CDYL: variants seen among roughly 807,000 people sequenced by gnomAD.
CDYL encodes chromodomain Y like, also known as chromodomain Y-like protein.
A neutral mutation model predicts 47.3 loss-of-function variants in CDYL; 8 were observed. That is an observed-to-expected ratio of 0.17 (90% CI 0.10 to 0.31). The LOEUF (loss-of-function observed/expected upper bound fraction) is 0.31, where lower values mean the gene tolerates loss of function less well. CDYL is among the 10% of genes least tolerant of loss of function. The pLI is 1.00. For missense variants in CDYL, 471 were observed against 701.4 expected (o/e 0.67, Z 3.71); for synonymous variants, 266 against 265.0 (o/e 1.00, Z -0.04).
At chr6:4,861,191 C>T (rs576955420) in intron 1 of CDYL, among the ~76,000 whole-genome samples, 90 of 152,330 alleles carry the variant, frequency 5.9e-4, no homozygotes, top group African/African-American at 2.1e-3. Context: ...CTATCTGTGT[C>T]CTTTCTGGCT....
intron 2 of CDYL, among the ~76,000 whole-genome samples, chr6:4,914,571 T>C (rs1298192069): frequency 6.6e-6 from 1 of 152,192 alleles, no homozygotes; most frequent in African/African-American, 2.4e-5. Context: ...TGTGGCTGCC[T>C]TGCAACCTCA....
intron 1 of CDYL, among the ~76,000 whole-genome samples, chr6:4,868,552 G>A (rs1481965159): frequency 6.6e-6 from 1 of 152,152 alleles, no homozygotes; most frequent in Admixed American, 6.5e-5. Flanking sequence ...AAATAACGGA[G>A]TCCTGTTTTA....
chr6:4,866,774 C>A lies in CDYL; in HGVS notation c.25-24939C>A, dbSNP rs576974830. ...AAATTGACTAAAAAAGAGTAGGAGA[C>A]CATTCAATAAATGAATGGGTTAATA... On this transcript the variant is annotated intron_variant, in intron 1 of 6. Transcript: ENST00000397588. Among the ~76,000 whole-genome samples, 22 of 152,124 alleles carry A rather than the reference C, an allele frequency of 1.4e-4. No individual in the cohort carries two copies. In the East Asian group the frequency reaches 3.9e-3, roughly 27 times the overall value.
intron 1 of CDYL, among the ~76,000 whole-genome samples, chr6:4,866,415 A>C (rs1761324413): frequency 6.6e-6 from 1 of 152,162 alleles, no homozygotes; most frequent in Non-Finnish European, 1.5e-5. Context: ...TTAGGAATGA[A>C]AAGAAGGTCA....
chr6:4,715,907 G>C (rs747804317), intron 2 of CDYL: 2 of 1,607,886 alleles, frequency 1.2e-6, no homozygotes, highest in Non-Finnish European at 1.7e-6. Context: ...AATCAAATTA[G>C]TTCTGATGCA....
rs143174100 is a variant in CDYL at position 4,737,871 on chromosome 6, C to A, written c.186+3027C>A. On this transcript the variant is annotated intron_variant, in intron 3 of 8. Transcript: ENST00000328908. ...CCCAAAACGGACAAATGTTTAAAAACGTAAATTGAATTACATGAAAGTTAA... is the reference window on the plus strand; with the variant it reads ...CCCAAAACGGACAAATGTTTAAAAAAGTAAATTGAATTACATGAAAGTTAA... 4.0e-3 allele frequency among the ~76,000 whole-genome samples: 609 copies of A among 152,032 alleles called. 5 individuals are homozygous for A. The highest frequency in any genetic ancestry group is 0.014 in the African/African-American group (577 of 41,456).
At chr6:4,838,834 G>C (rs1760402507) in intron 1 of CDYL, among the ~76,000 whole-genome samples, 1 of 152,030 alleles carries the variant, frequency 6.6e-6, no homozygotes, top group Non-Finnish European at 1.5e-5. Context: ...TTACAGGTGA[G>C]TGTTACCACA....
chr6:4,922,100 TGCTCAGTG>T (rs1383608523), intron 2 of CDYL, among the ~76,000 whole-genome samples: 1 of 152,196 alleles, frequency 6.6e-6, no homozygotes, highest in African/African-American at 2.4e-5. Context: ...ACCCCTCACC[TGCTCAGTG>T]ACCTTGGGCA....
chr6:4,755,033 G>A (rs1758053505), intron 3 of CDYL, among the ~76,000 whole-genome samples: 1 of 146,418 alleles, frequency 6.8e-6, no homozygotes, highest in Non-Finnish European at 1.5e-5. Flanking sequence ...GTTTGTTGTT[G>A]TTGTTGTTGT....
intron 1 of CDYL, among the ~76,000 whole-genome samples, chr6:4,865,375 A>G (rs887357754): frequency 2.0e-5 from 3 of 152,228 alleles, no homozygotes; most frequent in South Asian, 2.1e-4. Context: ...GGGGAATGAC[A>G]CAGCAGTAGG....
At chr6:4,923,987 A>G (rs1420543882) in intron 2 of CDYL, among the ~76,000 whole-genome samples, 1 of 151,934 alleles carries the variant, frequency 6.6e-6, no homozygotes, top group Non-Finnish European at 1.5e-5. Flanking sequence ...ATCCCGTTGC[A>G]GAGTCAGGGT....
intron 3 of CDYL, among the ~76,000 whole-genome samples, chr6:4,753,006 C>A (rs539461369): frequency 3.9e-5 from 6 of 152,174 alleles, no homozygotes; most frequent in African/African-American, 1.4e-4. Context: ...CAGCCTCAAC[C>A]TCCTGGGCTC....
rs145429250 is a variant in CDYL at position 4,927,891 on chromosome 6, A to G, written c.692-7624A>G. Among the ~76,000 whole-genome samples the G allele has an allele frequency of 2.1e-3, 317 of 152,126 alleles. 2 individuals are homozygous for G. The highest frequency in any genetic ancestry group is 7.1e-3 in the African/African-American group (293 of 41,496). On this transcript the variant is annotated intron_variant, in intron 2 of 6. Coordinates refer to ENST00000397588, the MANE Select transcript of CDYL (RefSeq NM_004824.4). Reference sequence around the variant, plus strand: ...TCCGTCTAGAAACTTTACATGTTCTATTATGCTTTTTATTAAACAAGACTT... The same window carrying G: ...TCCGTCTAGAAACTTTACATGTTCTGTTATGCTTTTTATTAAACAAGACTT...
chr6:4,801,568 C>T (rs1030651914), intron 1 of CDYL, among the ~76,000 whole-genome samples: 2 of 152,150 alleles, frequency 1.3e-5, no homozygotes, highest in Non-Finnish European at 2.9e-5. Context: ...GATATGCAGC[C>T]GCTTGTAGCT....
rs1758458301 is a variant in CDYL at position 4,776,614 on chromosome 6, G to C, written c.-170G>C. On this transcript the variant is annotated 5_prime_UTR_variant, in exon 1 of 7. Coordinates refer to ENST00000397588, the MANE Select transcript of CDYL (RefSeq NM_004824.4). ...CTGCGCACAACCCCGCCGCGCCGCC[G>C]GCCCGCACTGGCCGCGGAGTGCAAG... 2 of 337,064 alleles carry C rather than the reference G, an allele frequency of 5.9e-6. No homozygotes were observed. The highest frequency in any genetic ancestry group is 7.3e-5 in the East Asian group (1 of 13,702). 20.9% of individuals were successfully genotyped at this position (337,064 alleles called of 1,614,324 possible). A position where few individuals can be genotyped will look rare whatever the true frequency, so the allele number is the denominator to read the frequency against.
At chr6:4,814,480 C>T (rs1264723978) in intron 1 of CDYL, among the ~76,000 whole-genome samples, 1 of 152,014 alleles carries the variant, frequency 6.6e-6, no homozygotes, top group African/African-American at 2.4e-5. Context: ...ACTGTGAGGA[C>T]TTAATATTAG....
chr6:4,872,324 C>CTTTTTTT (rs56242830), intron 1 of CDYL, among the ~76,000 whole-genome samples: 7 of 121,646 alleles, frequency 5.8e-5, no homozygotes, highest in African/African-American at 2.0e-4. Context: ...TTTGATTTGG[C>CTTTTTTT]TTTTTTTTTT....
chr6:4,814,759 A>G (rs1468437994), intron 1 of CDYL, among the ~76,000 whole-genome samples: 2 of 152,236 alleles, frequency 1.3e-5, no homozygotes, highest in African/African-American at 4.8e-5. Flanking sequence ...CTTGCCTCAA[A>G]TGATCTGCCC....
At chr6:4,910,124 T>A (rs551007708) in intron 2 of CDYL, among the ~76,000 whole-genome samples, 1 of 151,982 alleles carries the variant, frequency 6.6e-6, no homozygotes, top group South Asian at 2.1e-4. Context: ...ATTTTCCCCC[T>A]CCATCTAAAA....
Sources: gnomAD v4.1 joint callset for allele counts (sites outside exome capture counted in the v4.1 genomes callset) on GRCh38, gnomAD v4.1.1 for gene constraint, MANE v1.5 for transcripts, NCBI Gene and HGNC (gene_info 2026-07-23, HGNC 2026-07-21) for gene names.